PAX2: variants seen among roughly 807,000 people sequenced by gnomAD.
The protein encoded by PAX2 is paired box 2.
A neutral mutation model predicts 41.7 loss-of-function variants in PAX2; 9 were observed. The observed-to-expected ratio is 0.22, with a 90% CI of 0.13 to 0.38. PAX2 has a LOEUF of 0.38. PAX2 is among the 10% of genes least tolerant of loss of function. PAX2 has a pLI of 1.00. For synonymous variants in PAX2, 221 were observed against 212.7 expected (o/e 1.04, Z -0.34); for missense variants, 418 against 531.6 (o/e 0.79, Z 2.10).
chr10:100,789,756 G>A (rs1388396153), intron 5 of PAX2, among the ~76,000 whole-genome samples: 1 of 152,206 alleles, frequency 6.6e-6, no homozygotes, highest in Non-Finnish European at 1.5e-5. Context: ...TATCTCCCTA[G>A]TAACCAAGGA....
At position 100,781,435 on chromosome 10, in the gene PAX2, G is replaced by A. The variant is rs1045888423; in HGVS notation, c.616+70G>A. On this transcript the variant is annotated intron_variant, in intron 5 of 9. Coordinates refer to ENST00000355243, the MANE Select transcript of PAX2 (RefSeq NM_000278.5). Reference sequence around the variant, plus strand: ...TCCTTGGACTCCAAGCTCCGGTTTCGGCCTGGCCTCGCAGCTGCTCTGCTG... The same window carrying A: ...TCCTTGGACTCCAAGCTCCGGTTTCAGCCTGGCCTCGCAGCTGCTCTGCTG... 12 of 1,557,908 alleles carry A rather than the reference G, an allele frequency of 7.7e-6. No individual in the cohort carries two copies. In the Admixed American group the frequency reaches 1.0e-4, roughly 13 times the overall value.
chr10:100,749,504 T>C, intron 1 of PAX2: 5 of 1,338,672 alleles, frequency 3.7e-6, no homozygotes, highest in Non-Finnish European at 4.8e-6. Context: ...CTTTGCTTTC[T>C]ACCTTGCGTC....
chr10:100,807,893 C>T (rs1589883330), intron 6 of PAX2, among the ~76,000 whole-genome samples: 1 of 152,364 alleles, frequency 6.6e-6, no homozygotes, highest in South Asian at 2.1e-4. Flanking sequence ...GCCTTTCTCC[C>T]CGCCCGTCCT....
In PAX2 at chr10:100,746,259, C is replaced by G. The variant is rs1206725284; in HGVS notation, c.-2C>G. 2.5e-6 allele frequency: 4 copies of G among 1,613,830 alleles called. No homozygotes were observed. Among genetic ancestry groups the G allele is most frequent in the East Asian group, 2.2e-5 (1 of 44,860 alleles). ...GCGCTGCTCCCGCTCCTCTGCCTCC[C>G]CATGGATATGCACTGCAAAGCAGAC... On this transcript the variant is annotated 5_prime_UTR_variant, in exon 1 of 10. Coordinates refer to ENST00000355243, the MANE Select transcript of PAX2 (RefSeq NM_000278.5).
At position 100,791,683 on chromosome 10, in the gene PAX2, C is replaced by T. The variant is rs183607742; in HGVS notation, c.616+10318C>T. On this transcript the variant is annotated intron_variant, in intron 5 of 9. Coordinates refer to ENST00000355243, the MANE Select transcript of PAX2 (RefSeq NM_000278.5). The surrounding 1 kb of genome is among the most constrained non-coding windows in gnomAD (Gnocchi z 4.5). ...CTTGCTGGCTCACACAGATCTCCCTCGGCCCAGGCAGCCTGGGAAGCCTGG... is the reference window on the plus strand; with the variant it reads ...CTTGCTGGCTCACACAGATCTCCCTTGGCCCAGGCAGCCTGGGAAGCCTGG... Among the ~76,000 whole-genome samples, 61 of 152,294 alleles carry T rather than the reference C, an allele frequency of 4.0e-4. No individual in the cohort carries two copies. The highest frequency in any genetic ancestry group is 8.4e-4 in the African/African-American group (35 of 41,560).
At chr10:100,744,003 C>A (rs990671981), upstream of PAX2, among the ~76,000 whole-genome samples, 1 of 152,204 alleles carries the variant, frequency 6.6e-6, no homozygotes, top group African/African-American at 2.4e-5. Flanking sequence ...CGGACCCAGG[C>A]CCCACAGGAG....
upstream of PAX2, among the ~76,000 whole-genome samples, chr10:100,745,274 G>A (rs950171331): frequency 9.9e-5 from 15 of 152,178 alleles, no homozygotes; most frequent in Non-Finnish European, 1.5e-4. Flanking sequence ...TCTCAGTGTA[G>A]TTTTAATCCC....
intron 5 of PAX2, among the ~76,000 whole-genome samples, chr10:100,797,075 A>G (rs1042734993): frequency 2.0e-5 from 3 of 152,354 alleles, no homozygotes; most frequent in African/African-American, 7.2e-5. Context: ...GTTGAGCATA[A>G]CAAGTTAAGA....
chr10:100,778,150 C>A (rs1463132241), intron 3 of PAX2, among the ~76,000 whole-genome samples: 1 of 152,142 alleles, frequency 6.6e-6, no homozygotes, highest in Non-Finnish European at 1.5e-5. Flanking sequence ...GAGGTGAGAC[C>A]AAGGCTATGT....
intron 7 of PAX2, among the ~76,000 whole-genome samples, chr10:100,810,229 G>A (rs993051635): frequency 1.3e-5 from 2 of 152,150 alleles, no homozygotes; most frequent in Non-Finnish European, 2.9e-5. Context: ...AACAGGCACC[G>A]CCCACTCTAG....
chr10:100,757,944 T>C (rs1845692927), intron 3 of PAX2, among the ~76,000 whole-genome samples: 1 of 152,028 alleles, frequency 6.6e-6, no homozygotes, highest in African/African-American at 2.4e-5. Flanking sequence ...AGAGAGGAAG[T>C]GTGCAGGAAA....
At chr10:100,774,928 G>T (rs1309877656) in intron 3 of PAX2, among the ~76,000 whole-genome samples, 1 of 152,244 alleles carries the variant, frequency 6.6e-6, no homozygotes, top group Non-Finnish European at 1.5e-5. Flanking sequence ...TCCCCATGCG[G>T]GGCCCAGGCC....
At chr10:100,794,488 T>C (rs1028336617) in intron 5 of PAX2, among the ~76,000 whole-genome samples, 3 of 152,222 alleles carry the variant, frequency 2.0e-5, no homozygotes, top group African/African-American at 7.2e-5. Flanking sequence ...CCACCTTATT[T>C]ACTGAGCTCT....
At chr10:100,774,602 CG>C (rs2133884541) in intron 3 of PAX2, among the ~76,000 whole-genome samples, 1 of 152,196 alleles carries the variant, frequency 6.6e-6, no homozygotes, top group East Asian at 1.9e-4. Flanking sequence ...TGAAAGCACC[CG>C]GGCCTAGGGG....
At chr10:100,820,187 C>A (rs182092285) in intron 7 of PAX2, among the ~76,000 whole-genome samples, 1 of 152,152 alleles carries the variant, frequency 6.6e-6, no homozygotes, top group East Asian at 1.9e-4. Context: ...ACAGCCATGA[C>A]GATATGAGAC....
intron 7 of PAX2, among the ~76,000 whole-genome samples, chr10:100,818,833 A>G (rs183530467): frequency 6.6e-6 from 1 of 152,356 alleles, no homozygotes; most frequent in Admixed American, 6.5e-5. Context: ...TGAGAACAAT[A>G]TCATTCCAGG....
chr10:100,742,533 G>A (rs1244006944), upstream of PAX2, among the ~76,000 whole-genome samples: 7 of 152,316 alleles, frequency 4.6e-5, no homozygotes, highest in African/African-American at 1.7e-4. Flanking sequence ...AGATCCACAA[G>A]GAAGATTTAT....
intron 6 of PAX2, among the ~76,000 whole-genome samples, chr10:100,808,147 T>C (rs575674208): frequency 8.1e-4 from 123 of 152,320 alleles, no homozygotes; most frequent in African/African-American, 2.8e-3. Flanking sequence ...CGAAGCCTAA[T>C]TGAGTTCATT....
At chr10:100,819,141 G>A (rs1161184487) in intron 7 of PAX2, among the ~76,000 whole-genome samples, 6 of 151,880 alleles carry the variant, frequency 4.0e-5, no homozygotes, top group Non-Finnish European at 7.4e-5. Flanking sequence ...CCAGCTACTC[G>A]TGAGGCTGAG....
Sources: allele counts gnomAD v4.1 joint callset (sites outside exome capture counted in the v4.1 genomes callset), GRCh38; gene constraint gnomAD v4.1.1; non-coding constraint Gnocchi (gnomAD v3.1); transcripts MANE v1.5; gene names NCBI Gene and HGNC (gene_info 2026-07-23, HGNC 2026-07-21).